Variants in CELF4 observed in about 807,000 individuals in gnomAD.
CELF4 encodes CUGBP Elav-like family member 4.
CELF4 carries 18 observed loss-of-function variants against 59.9 expected under a neutral mutation model. The observed-to-expected ratio is 0.30, with a 90% confidence interval of 0.21 to 0.45. The LOEUF (loss-of-function observed/expected upper bound fraction) is 0.45, where lower values mean the gene tolerates loss of function less well. CELF4 is among the 20% of genes least tolerant of loss of function. The pLI, the probability that CELF4 is intolerant of heterozygous loss-of-function variation, is 1.00. For synonymous variants in CELF4, 261 were observed against 267.1 expected (o/e 0.98, Z 0.22); for missense variants, 456 against 689.0 (o/e 0.66, Z 3.79).
At chr18:37,402,512 GC>G (rs1269204069) in intron 2 of CELF4, among the ~76,000 whole-genome samples, 1 of 152,084 alleles carries the variant, frequency 6.6e-6, no homozygotes, top group Non-Finnish European at 1.5e-5. Flanking sequence ...CTGAGTGGGA[GC>G]CCCTTCTCAA....
chr18:37,470,253 TA>T (rs2099817858), intron 2 of CELF4, among the ~76,000 whole-genome samples: 1 of 152,224 alleles, frequency 6.6e-6, no homozygotes, highest in South Asian at 2.1e-4. Context: ...GTTGTCAACC[TA>T]AGACCAGTGT....
chr18:37,285,764 C>G (rs1018954277), intron 3 of CELF4, among the ~76,000 whole-genome samples: 2 of 152,302 alleles, frequency 1.3e-5, no homozygotes, highest in Middle Eastern at 3.4e-3. Flanking sequence ...CACAGTGGCT[C>G]TATGTAGAAG....
chr18:37,488,072 A>T (rs1347302640), intron 1 of CELF4, among the ~76,000 whole-genome samples: 1 of 150,434 alleles, frequency 6.6e-6, no homozygotes, highest in Non-Finnish European at 1.5e-5. Flanking sequence ...GGGTCTTTGC[A>T]CTGGTCTTTC....
At chr18:37,470,376 T>C (rs1380058890) in intron 2 of CELF4, among the ~76,000 whole-genome samples, 2 of 152,204 alleles carry the variant, frequency 1.3e-5, no homozygotes, top group Non-Finnish European at 2.9e-5. Flanking sequence ...CACTGTTGGG[T>C]TGTCTACTCA....
chr18:37,421,212 T>C (rs2099576064), intron 2 of CELF4, among the ~76,000 whole-genome samples: 1 of 152,220 alleles, frequency 6.6e-6, no homozygotes, highest in Non-Finnish European at 1.5e-5. Context: ...TCTGTTGAGA[T>C]GGAAACTAAG....
intron 2 of CELF4, among the ~76,000 whole-genome samples, chr18:37,471,617 C>A (rs1217962611): frequency 6.6e-6 from 1 of 152,084 alleles, no homozygotes; most frequent in Non-Finnish European, 1.5e-5. Flanking sequence ...TGCCTGGAAG[C>A]GCTCCCAAAC....
intron 2 of CELF4, among the ~76,000 whole-genome samples, chr18:37,452,292 G>A (rs189310103): frequency 1.9e-4 from 29 of 152,244 alleles, no homozygotes; most frequent in Admixed American, 8.5e-4. Flanking sequence ...CTAACACACC[G>A]TGGTGTCTTC....
chr18:37,371,851 G>T (rs1262632386), intron 2 of CELF4, among the ~76,000 whole-genome samples: 1 of 152,214 alleles, frequency 6.6e-6, no homozygotes, highest in African/African-American at 2.4e-5. Context: ...GAAGAACAAG[G>T]TTCTTGGGCC....
At chr18:37,455,031 G>A (rs2099774374) in intron 2 of CELF4, among the ~76,000 whole-genome samples, 1 of 152,170 alleles carries the variant, frequency 6.6e-6, no homozygotes, top group Admixed American at 6.5e-5. Context: ...TGCCCAGTCT[G>A]TGCATTGCTA....
At chr18:37,526,910 G>C (rs1005809665) in intron 1 of CELF4, among the ~76,000 whole-genome samples, 1 of 152,124 alleles carries the variant, frequency 6.6e-6, no homozygotes, top group Middle Eastern at 3.4e-3. Context: ...TCACCACACC[G>C]ATTCTCTGAG....
In CELF4 at chr18:37,335,362, T is replaced by G. The variant is rs1181617105; in HGVS notation, c.370-13481A>C. Among the ~76,000 whole-genome samples, 3 of 152,076 alleles carry G rather than the reference T, an allele frequency of 2.0e-5. No individual in the cohort carries two copies. In the East Asian group the frequency reaches 5.8e-4, roughly 29 times the overall value. ...ATGGTGAGGGGTCTGCACGTGAGTA[T>G]GTGTGCAAGGATGTGGGTGGGCCAT... On this transcript the variant is annotated intron_variant, in intron 2 of 12. Coordinates refer to ENST00000420428, the MANE Select transcript of CELF4 (RefSeq NM_020180.4).
intron 2 of CELF4, among the ~76,000 whole-genome samples, chr18:37,411,195 A>G (rs1360011808): frequency 6.6e-6 from 1 of 152,148 alleles, no homozygotes; most frequent in Non-Finnish European, 1.5e-5. Context: ...AGCTCAAGTG[A>G]TCCTCCCACC....
chr18:37,488,622 T>G (rs2099887733), intron 1 of CELF4, among the ~76,000 whole-genome samples: 2 of 152,108 alleles, frequency 1.3e-5, no homozygotes, highest in South Asian at 4.1e-4. Context: ...AGGAGCCTGT[T>G]GAACCTGACA....
chr18:37,279,454 C>T (rs1005854536), intron 3 of CELF4, among the ~76,000 whole-genome samples: 2 of 152,180 alleles, frequency 1.3e-5, no homozygotes, highest in South Asian at 2.1e-4. Context: ...CAACAAAATC[C>T]GCTGACCTGA....
At chr18:37,514,453 G>A (rs1050862464) in intron 1 of CELF4, among the ~76,000 whole-genome samples, 1 of 152,150 alleles carries the variant, frequency 6.6e-6, no homozygotes, top group African/African-American at 2.4e-5. Flanking sequence ...CTCTGTGCTG[G>A]ATGCTGATGA....
intron 2 of CELF4, among the ~76,000 whole-genome samples, chr18:37,437,314 G>C (rs1007656915): frequency 6.6e-6 from 1 of 152,242 alleles, no homozygotes; most frequent in Non-Finnish European, 1.5e-5. Flanking sequence ...TGGGGACTGG[G>C]TGAGGATGGG....
rs143323531 is a variant in CELF4, at chr18:37,351,855, A to G, written c.370-29974T>C. 3.7e-3 allele frequency among the ~76,000 whole-genome samples: 562 copies of G among 152,088 alleles called. 2 individuals are homozygous for G. Among genetic ancestry groups the G allele is most frequent in the South Asian group, 0.032 (156 of 4,804 alleles). The stretch of plus-strand genomic sequence containing the variant: ...TCTCATACTCCTGGGGCCTCAAGTG[A>G]TCTGCCCACCACAGTCTCCCAAAGT... On this transcript the variant is annotated intron_variant, in intron 2 of 12. Transcript: ENST00000420428.
intron 1 of CELF4, among the ~76,000 whole-genome samples, chr18:37,508,730 G>A (rs965616308): frequency 3.9e-5 from 6 of 152,230 alleles, no homozygotes; most frequent in Non-Finnish European, 7.3e-5. Context: ...CCCCCCTTGC[G>A]GCCATTGGTT....
At chr18:37,420,559 T>C (rs1231475423) in intron 2 of CELF4, among the ~76,000 whole-genome samples, 2 of 152,186 alleles carry the variant, frequency 1.3e-5, no homozygotes, top group Non-Finnish European at 2.9e-5. Flanking sequence ...AGGGGCACTC[T>C]GTCTACCTCC....
Sources: gnomAD v4.1 joint callset for allele counts (sites outside exome capture counted in the v4.1 genomes callset) on GRCh38, gnomAD v4.1.1 for gene constraint, MANE v1.5 for transcripts, NCBI Gene and HGNC (gene_info 2026-07-23, HGNC 2026-07-21) for gene names.